Variants in ECPAS observed in about 807,000 individuals in gnomAD.
ECPAS encodes proteasome adapter and scaffold protein ECM29.
Under a neutral mutation model 255.1 loss-of-function variants are expected in ECPAS, and 70 were observed. That is an observed-to-expected ratio of 0.27 (90% CI 0.23 to 0.33). ECPAS has a LOEUF of 0.33. ECPAS is among the 10% of genes least tolerant of loss of function. ECPAS has a pLI of 1.00. For synonymous variants in ECPAS, 784 were observed against 775.0 expected, an observed-to-expected ratio of 1.01 and a Z score of -0.19; for missense variants, 1,817 against 2,206.4, an observed-to-expected ratio of 0.82 and a Z score of 3.54.
At position 111,422,056 on chromosome 9, in the gene ECPAS, T is replaced by C. The variant is rs538200509; in HGVS notation, c.1333-13A>G. 9.9e-6 allele frequency: 16 copies of C among 1,613,512 alleles called. No homozygotes were observed. Among genetic ancestry groups the C allele is most frequent in the African/African-American group, 8.0e-5 (6 of 75,004 alleles). ...TCTCAGGCTCTTCCTATAAAGATGATAAAAATGTTTCCCTCCTTGTTGGGT... is the reference window on the plus strand; with the variant it reads ...TCTCAGGCTCTTCCTATAAAGATGACAAAAATGTTTCCCTCCTTGTTGGGT... On this transcript the variant is annotated splice_polypyrimidine_tract_variant and intron_variant, in intron 14 of 49. Transcript: ENST00000684092.
chr9:111,392,243 C>CA (rs1459113629), intron 28 of ECPAS, among the ~76,000 whole-genome samples: 2 of 152,044 alleles, frequency 1.3e-5, no homozygotes, highest in African/African-American at 4.8e-5. Context: ...ACAACAACAA[C>CA]AACAAAAAAC....
chr9:111,361,958 T>C lies in ECPAS; in HGVS notation c.*72A>G. 1.3e-6 allele frequency: 2 copies of C among 1,540,944 alleles called. No individual in the cohort carries two copies. Among genetic ancestry groups the C allele is most frequent in the Non-Finnish European group, 8.8e-7 (1 of 1,140,558 alleles). On this transcript the variant is annotated 3_prime_UTR_variant, in exon 50 of 50. Transcript: ENST00000684092. ...AGATTAATCTTTACTTTTTCCCACT[T>C]GGTTTTTCAAAGAACACCACCACTT... is the stretch of plus-strand genomic sequence containing the variant.
intron 24 of ECPAS, among the ~76,000 whole-genome samples, chr9:111,408,304 G>A (rs568959149): frequency 3.4e-4 from 51 of 152,192 alleles, no homozygotes; most frequent in Non-Finnish European, 5.6e-4. Context: ...TCTGGCTGAC[G>A]GGCTATGTGG....
chr9:111,430,707 C>A (rs941757310), intron 8 of ECPAS, 79 bp from the exon 9 acceptor site: 3 of 813,552 alleles, frequency 3.7e-6, no homozygotes, highest in Non-Finnish European at 4.0e-6. Context: ...ATAGCCCCAA[C>A]ATTTCTTAAC....
intron 2 of ECPAS, among the ~76,000 whole-genome samples, chr9:111,464,739 G>A (rs1345519863): frequency 1.3e-5 from 2 of 151,998 alleles, no homozygotes; most frequent in Admixed American, 6.6e-5. Context: ...TATTGGGTAC[G>A]ATACATCACA....
At chr9:111,461,706 T>C (rs954960629) in intron 2 of ECPAS, among the ~76,000 whole-genome samples, 6 of 152,206 alleles carry the variant, frequency 3.9e-5, no homozygotes, top group African/African-American at 9.6e-5. Context: ...CCTCACACCA[T>C]ATCTATTAGT....
intron 24 of ECPAS, among the ~76,000 whole-genome samples, chr9:111,401,050 T>G (rs1433989158): frequency 6.6e-6 from 1 of 152,140 alleles, no homozygotes; most frequent in African/African-American, 2.4e-5. Context: ...AAAGGAGCTC[T>G]GATACGTCTG....
chr9:111,380,124 T>C (rs931592935), intron 35 of ECPAS, among the ~76,000 whole-genome samples: 4 of 152,230 alleles, frequency 2.6e-5, no homozygotes, highest in Non-Finnish European at 5.9e-5. Context: ...CCTTACAAAA[T>C]ATACTTCTTG....
intron 24 of ECPAS, among the ~76,000 whole-genome samples, chr9:111,402,002 C>T (rs1412348249): frequency 2.0e-5 from 3 of 152,162 alleles, no homozygotes; most frequent in Admixed American, 6.5e-5. Flanking sequence ...CATACATCCT[C>T]AGCTTACAAT....
At chr9:111,451,072 A>C (rs544431795) in intron 3 of ECPAS, among the ~76,000 whole-genome samples, 1 of 152,358 alleles carries the variant, frequency 6.6e-6, no homozygotes, top group Admixed American at 6.5e-5. Flanking sequence ...TTAAGGTTAT[A>C]ATCATTGTCA....
chr9:111,415,226 G>A (rs1159108380), intron 18 of ECPAS, among the ~76,000 whole-genome samples: 1 of 124,074 alleles, frequency 8.1e-6, no homozygotes, highest in Non-Finnish European at 1.7e-5. Flanking sequence ...TTTTTTAAAA[G>A]CCGTGTGTGT....
chr9:111,403,471 G>A (rs1382872417), intron 24 of ECPAS, among the ~76,000 whole-genome samples: 2 of 150,396 alleles, frequency 1.3e-5, no homozygotes, highest in South Asian at 2.1e-4. Flanking sequence ...AACTATACTT[G>A]CATCAGATAA....
Position 111,393,718 on chromosome 9 carries a change from ATTTC to A in ECPAS, c.2935_2938del (p.Glu979PhefsTer30), listed in dbSNP as rs746667259. ...TAGAACTGAAACAAATGCACTTTGAATTTCTTTAAGATGAGACTGAAAGAAGAAA... is the reference window on the plus strand; with the variant it reads ...TAGAACTGAAACAAATGCACTTTGAATTTAAGATGAGACTGAAAGAAGAAA... On this transcript the variant is annotated frameshift_variant, in exon 27 of 50. Coordinates refer to ENST00000684092, the MANE Select transcript of ECPAS (RefSeq NM_001364929.1). LOFTEE classifies it high-confidence loss of function. 4 of 1,589,330 alleles carry A rather than the reference ATTTC, an allele frequency of 2.5e-6. No homozygotes were observed. Among genetic ancestry groups the A allele is most frequent in the South Asian group, 1.1e-5 (1 of 89,684 alleles).
chr9:111,427,635 T>G (rs2098223698), intron 10 of ECPAS, among the ~76,000 whole-genome samples: 1 of 152,230 alleles, frequency 6.6e-6, no homozygotes, highest in East Asian at 1.9e-4. Context: ...AAAGATGAAA[T>G]TCACTGACAT....
At chr9:111,468,445 G>C (rs1196687807) in intron 2 of ECPAS, among the ~76,000 whole-genome samples, 1 of 152,090 alleles carries the variant, frequency 6.6e-6, no homozygotes, top group Non-Finnish European at 1.5e-5. Context: ...AATCTTACTA[G>C]ACAACTGTAT....
intron 3 of ECPAS, among the ~76,000 whole-genome samples, chr9:111,446,279 A>C (rs1386718829): frequency 6.6e-6 from 1 of 152,266 alleles, no homozygotes; most frequent in Non-Finnish European, 1.5e-5. Context: ...ACAGAGGCTC[A>C]TATCAAATGG....
intron 1 of ECPAS, among the ~76,000 whole-genome samples, chr9:111,481,512 AAAAAAAG>A (rs1346864656): frequency 1.3e-5 from 2 of 152,130 alleles, no homozygotes; most frequent in Non-Finnish European, 1.5e-5. Context: ...TCTCAAGAAA[AAAAAAAG>A]AAAAAAGAAA....
At chr9:111,388,666 A>G (rs1264513609) in intron 31 of ECPAS, among the ~76,000 whole-genome samples, 1 of 152,154 alleles carries the variant, frequency 6.6e-6, no homozygotes, top group Non-Finnish European at 1.5e-5. Flanking sequence ...AACGGCAAAG[A>G]GGAAAAAAAA....
intron 3 of ECPAS, among the ~76,000 whole-genome samples, chr9:111,446,234 A>G (rs992410078): frequency 1.3e-5 from 2 of 152,252 alleles, no homozygotes; most frequent in African/African-American, 2.4e-5. Flanking sequence ...ATAGGAATTG[A>G]CAAGTCAACA....
Sources: allele counts gnomAD v4.1 joint callset (sites outside exome capture counted in the v4.1 genomes callset), GRCh38; gene constraint gnomAD v4.1.1; transcripts MANE v1.5; gene names NCBI Gene and HGNC (gene_info 2026-07-23, HGNC 2026-07-21).